ACY1: variants seen among roughly 807,000 people sequenced by gnomAD.
ACY1 encodes the protein aminoacylase 1, also known as aminoacylase-1.
ACY1 carries 38 observed loss-of-function variants against 53.3 expected under a neutral mutation model. That is an observed-to-expected ratio of 0.71 (90% CI 0.55 to 0.93). ACY1 has a LOEUF of 0.93. Among genes scored for constraint, ACY1 ranks in the 40% least tolerant of loss-of-function variants. The probability of loss-of-function intolerance (pLI) is 0.00; values close to 1 mark genes in which losing one functional copy is unlikely to be tolerated. For synonymous variants in ACY1, 177 were observed against 202.1 expected (o/e 0.88, Z 1.05); for missense variants, 484 against 540.9 (o/e 0.89, Z 1.04).
At chr3:51,985,785 CTG>C (rs1200776910) in intron 4 of ACY1, 65 bp from the exon 5 acceptor site, 2 of 1,384,826 alleles carry the variant, frequency 1.4e-6, no homozygotes, top group African/African-American at 1.4e-5. Flanking sequence ...GGCAGGGCCA[CTG>C]TTGACCAGAG....
In ACY1 at chr3:51,985,214, T is replaced by C; in HGVS notation, c.102T>C (p.Ala34=). 1.2e-6 allele frequency: 2 copies of C among 1,603,840 alleles called. No individual in the cohort carries two copies. The highest frequency in any genetic ancestry group is 1.7e-6 in the Non-Finnish European group (2 of 1,175,710). ...GACACTCTGTGCCTCCAGGAGCTGC[T>C]GTGGCTTTCTTTGAGGAGACAGCCC... ...TVQPKPDYGA[A]VAFFEETARQ... is the part of the protein sequence containing the mutation. The change falls in exon 3 of 15, where the codon GCT becomes GCC. Residue 34 remains alanine (A), a synonymous_variant. Transcript: ENST00000636358.
intron 2 of ACY1, chr3:51,984,492 G>A (rs1006755231): frequency 4.6e-6 from 2 of 431,020 alleles, no homozygotes; most frequent in Admixed American, 7.0e-5. Context: ...ACTGGGGCTG[G>A]ACAAAGGCCA....
Position 51,987,341 on chromosome 3 carries a change from C to T in ACY1, c.740C>T (p.Ser247Phe). 6.2e-7 allele frequency: 1 copy of T among 1,614,102 alleles called. No individual in the cohort carries two copies. Among genetic ancestry groups the T allele is most frequent in the South Asian group, 1.1e-5 (1 of 91,086 alleles). Residue 247 changes from serine (S) to phenylalanine (F), a missense_variant, in exon 11 of 15, where the codon TCC becomes TTC. Ser to Phe is a radical substitution (Grantham distance 155). Transcript: ENST00000636358. Reference protein sequence around the residue: ...LQSNPHLKEGSVTSVNLTKLE... With the variant: ...LQSNPHLKEGFVTSVNLTKLE... ...TCAAACCCCCACCTGAAAGAGGGGT[C>T]CGTGACCTCCGTGAACCTGACTAAG...
intron 2 of ACY1, chr3:51,984,950 A>G (rs1025434273): frequency 3.5e-6 from 2 of 564,242 alleles, no homozygotes; most frequent in Non-Finnish European, 6.4e-6. Flanking sequence ...TCTGTGCCAT[A>G]GTTTCCCATA....
intron 13 of ACY1, 29 bp downstream of exon 13, chr3:51,988,632 G>C (rs777531172): frequency 6.2e-7 from 1 of 1,612,382 alleles, no homozygotes; most frequent in Non-Finnish European, 8.5e-7. Flanking sequence ...TCTCCTCACA[G>C]CCCAGCCCCC....
At chr3:51,988,268 T>C (rs1246597964) in intron 12 of ACY1, 1 of 583,478 alleles carries the variant, frequency 1.7e-6, no homozygotes, top group African/African-American at 1.9e-5. Flanking sequence ...GGGGGAGCCA[T>C]CTTGAGGAAG....
In ACY1 at chr3:51,984,387, C is replaced by T; in HGVS notation, c.94+229C>T. 3 of 598,146 alleles carry T rather than the reference C, an allele frequency of 5.0e-6. No individual in the cohort carries two copies. The South Asian group carries it at 5.8e-5, about 12-fold the overall frequency. 37.1% of individuals were successfully genotyped at this position (598,146 alleles called of 1,614,324 possible). ...TGCTGACCAAGGTTACTCCTGGCAGCTGGTTAAAGAAAAACTTCACCTCAC... is the reference window on the plus strand; with the variant it reads ...TGCTGACCAAGGTTACTCCTGGCAGTTGGTTAAAGAAAAACTTCACCTCAC... On this transcript the variant is annotated intron_variant, in intron 2 of 14. Transcript: ENST00000636358.
At position 51,985,195 on chromosome 3, in the gene ACY1, C is replaced by G. The variant is rs1159185667; in HGVS notation, c.95-12C>G. ...TAGGCAGAAGCAGCCCCAAGACACT[C>G]TGTGCCTCCAGGAGCTGCTGTGGCT... is the stretch of plus-strand genomic sequence containing the variant. On this transcript the variant is annotated splice_polypyrimidine_tract_variant and intron_variant, in intron 2 of 14. Transcript: ENST00000636358. The G allele has an allele frequency of 1.3e-6, 2 of 1,600,006 alleles. No individual in the cohort carries two copies. Among genetic ancestry groups the G allele is most frequent in the East Asian group, 2.3e-5 (1 of 44,234 alleles).
chr3:51,988,076 G>A (rs1040124787), intron 12 of ACY1: 1 of 319,050 alleles, frequency 3.1e-6, no homozygotes, highest in Non-Finnish European at 6.0e-6. Context: ...ATGTTGGCCA[G>A]GCTTGTCTCG....
chr3:51,985,984 C>T (rs377652198), intron 5 of ACY1, 38 bp downstream of exon 5: 15 of 1,574,132 alleles, frequency 9.5e-6, no homozygotes, highest in Non-Finnish European at 1.2e-5. Context: ...ACAATGTCCC[C>T]ACTGGTCCAG....
rs1701119032 is a variant in ACY1 at position 51,987,556 on chromosome 3, G to A, written c.853G>A (p.Ala285Thr). ...FRVAPDVDFK[A>T]FEEQLQSWCQ... The stretch of plus-strand genomic sequence containing the variant: ...GATCAGCTCGTCTCCCTTCTCTTAG[G>A]CTTTTGAGGAGCAGCTGCAGAGCTG... Residue 285 changes from alanine to threonine, a missense_variant and splice_region_variant, in exon 12 of 15, where the codon GCT becomes ACT. Ala to Thr is a moderately conservative substitution (Grantham distance 58). Transcript: ENST00000636358. 1.2e-6 allele frequency: 2 copies of A among 1,614,106 alleles called. No individual in the cohort carries two copies. The highest frequency in any genetic ancestry group is 2.7e-5 in the African/African-American group (2 of 75,038).
In ACY1 at chr3:51,988,526, G is replaced by GTGGA; in HGVS notation, c.927_930dup (p.His311AspfsTer9). On this transcript the variant is annotated frameshift_variant, in exon 13 of 15. Coordinates refer to ENST00000636358, the MANE Select transcript of ACY1 (RefSeq NM_000666.3). LOFTEE classifies it high-confidence loss of function. Reference sequence around the variant, plus strand: ...CTGCCATTCTTCCTGTCCCTCAGAAGTGGATGCACCCCCAAGTGACACCTA... The same window carrying GTGGA: ...CTGCCATTCTTCCTGTCCCTCAGAAGTGGATGGATGCACCCCCAAGTGACACCTA... The GTGGA allele has an allele frequency of 6.2e-7, 1 of 1,614,138 alleles. No individual in the cohort carries two copies. The highest frequency in any genetic ancestry group is 1.1e-5 in the South Asian group (1 of 91,084).
At chr3:51,984,011 C>T in intron 1 of ACY1, 36 bp from the exon 2 acceptor site, 1 of 1,492,748 alleles carries the variant, frequency 6.7e-7, no homozygotes, top group Non-Finnish European at 9.3e-7. Context: ...TTTCCAGGGT[C>T]TTGGAGGGGT....
chr3:51,986,804 A>G (rs529152973), intron 8 of ACY1, 143 bp downstream of exon 8: 9 of 1,295,428 alleles, frequency 6.9e-6, no homozygotes, highest in African/African-American at 2.9e-5. Flanking sequence ...GCTCTTTCCT[A>G]TCTGAGCTTC....
At chr3:51,984,946 C>T in intron 2 of ACY1, 1 of 563,334 alleles carries the variant, frequency 1.8e-6, no homozygotes, top group South Asian at 2.0e-5. Flanking sequence ...TGTCTCTGTG[C>T]CATAGTTTCC....
At position 51,985,238 on chromosome 3, in the gene ACY1, C is replaced by T. The variant is rs1278423508; in HGVS notation, c.126C>T (p.Ala42=). ...GAAVAFFEET[A]RQLGLGCQKV... Reference sequence around the variant, plus strand: ...CTGTGGCTTTCTTTGAGGAGACAGCCCGCCAGCTGGGCCTGGGCTGTCAGA... The same window carrying T: ...CTGTGGCTTTCTTTGAGGAGACAGCTCGCCAGCTGGGCCTGGGCTGTCAGA... The change falls in exon 3 of 15, where the codon GCC becomes GCT. Residue 42 remains alanine (A), a synonymous_variant. Coordinates refer to ENST00000636358, the MANE Select transcript of ACY1 (RefSeq NM_000666.3). 1.2e-6 allele frequency: 2 copies of T among 1,607,414 alleles called. No homozygotes were observed. The highest frequency in any genetic ancestry group is 3.4e-5 in the Admixed American group (2 of 58,884).
chr3:51,987,568 CA>C lies in ACY1; in HGVS notation c.866del (p.Gln289ArgfsTer15). 6.2e-7 allele frequency: 1 copy of C among 1,614,092 alleles called. No individual in the cohort carries two copies. Among genetic ancestry groups the C allele is most frequent in the Non-Finnish European group, 8.5e-7 (1 of 1,179,998 alleles). ...TCCCTTCTCTTAGGCTTTTGAGGAG[CA>C]GCTGCAGAGCTGGTGCCAGGCAGCT... ...PDVDFKAFEE[Q>X]LQSWCQAAGE... On this transcript the variant is annotated frameshift_variant, in exon 12 of 15. Transcript: ENST00000636358. LOFTEE classifies it high-confidence loss of function.
intron 8 of ACY1, 61 bp downstream of exon 8, chr3:51,986,722 A>G: frequency 6.3e-7 from 1 of 1,593,200 alleles, no homozygotes; most frequent in South Asian, 1.1e-5. Context: ...CAGAAAGGGC[A>G]CGGTCCTATG....
rs34017492 is a variant in ACY1, at chr3:51,984,133, C to T, written c.69C>T (p.Arg23=). Residue 23 remains arginine (R), a synonymous_variant, in exon 2 of 15, where the codon CGC becomes CGT. Coordinates refer to ENST00000636358, the MANE Select transcript of ACY1 (RefSeq NM_000666.3). ...VTLFRQYLRI[R]TVQPKPDYGA... Reference sequence around the variant, plus strand: ...TCTTCCGCCAGTACCTGCGTATCCGCACTGTCCAGCCCAAGCCTGACTATG... The same window carrying T: ...TCTTCCGCCAGTACCTGCGTATCCGTACTGTCCAGCCCAAGCCTGACTATG... 2 of 1,614,014 alleles carry T rather than the reference C, an allele frequency of 1.2e-6. No homozygotes were observed. Among genetic ancestry groups the T allele is most frequent in the Non-Finnish European group, 1.7e-6 (2 of 1,180,026 alleles).
Sources: gnomAD v4.1 joint callset for allele counts on GRCh38, gnomAD v4.1.1 for gene constraint, MANE v1.5 for transcripts, NCBI Gene and HGNC (gene_info 2026-07-23, HGNC 2026-07-21) for gene names.